The following ABCG1 variants were observed in gnomAD, a reference collection of about 807,000 sequenced individuals.
ABCG1 encodes the protein ATP binding cassette subfamily G member 1.
Under a neutral mutation model 69.2 loss-of-function variants are expected in ABCG1, and 29 were observed. The observed-to-expected ratio is 0.42, with a 90% CI of 0.31 to 0.57. The LOEUF is 0.57. ABCG1 is among the 20% of genes least tolerant of loss of function. ABCG1 has a pLI of 0.15. For synonymous variants in ABCG1, 370 were observed against 374.8 expected, an observed-to-expected ratio of 0.99 and a Z score of 0.15; for missense variants, 718 against 898.1, an observed-to-expected ratio of 0.80 and a Z score of 2.56.
chr21:42,228,372 G>A (rs2067850948), intron 2 of ABCG1, among the ~76,000 whole-genome samples: 1 of 152,090 alleles, frequency 6.6e-6, no homozygotes, highest in Non-Finnish European at 1.5e-5. Flanking sequence ...TTGCTGTCTG[G>A]CTTCCTACCC....
At chr21:42,271,315 G>A (rs2068613623) in intron 3 of ABCG1, 128 bp downstream of exon 3, 1 of 560,878 alleles carries the variant, frequency 1.8e-6, no homozygotes, top group South Asian at 3.4e-5. Flanking sequence ...GTCCAGGGGA[G>A]AGAGTGACAT....
At position 42,288,006 on chromosome 21, in the gene ABCG1, AC is replaced by A; in HGVS notation, c.1094del (p.Pro365LeufsTer41). The A allele has an allele frequency of 6.2e-7, 1 of 1,612,686 alleles. No homozygotes were observed. Among genetic ancestry groups the A allele is most frequent in the Non-Finnish European group, 8.5e-7 (1 of 1,179,178 alleles). On this transcript the variant is annotated frameshift_variant, in exon 9 of 15. Transcript: ENST00000398449. LOFTEE classifies it high-confidence loss of function. The surrounding 1 kb of genome is among the most constrained non-coding windows in gnomAD (Gnocchi z 4.8). Reference protein sequence around the residue: ...KRDLGGDAEVNPFLWHRPSEE... With the variant: ...KRDLGGDAEVXPFLWHRPSEE... ...GACCTCGGGGGTGATGCCGAGGTGA[AC>A]CCTTTTCTTTGGCACCGGCCCTCTG...
chr21:42,205,574 G>T (rs2123464315), intron 2 of ABCG1, among the ~76,000 whole-genome samples: 1 of 151,260 alleles, frequency 6.6e-6, no homozygotes, highest in African/African-American at 2.4e-5. Context: ...CTCCAGCCTG[G>T]GTGACAGAGC....
At position 42,237,048 on chromosome 21, in the gene ABCG1, C is replaced by T. The variant is rs184463957; in HGVS notation, c.286+11134C>T. 2.4e-3 allele frequency among the ~76,000 whole-genome samples: 359 copies of T among 152,292 alleles called. 3 individuals are homozygous for T. The highest frequency in any genetic ancestry group is 4.0e-3 in the Non-Finnish European group (269 of 68,024). On this transcript the variant is annotated intron_variant, in intron 2 of 14. Coordinates refer to ENST00000398449, the MANE Select transcript of ABCG1 (RefSeq NM_016818.3). Reference sequence around the variant, plus strand: ...CATCCAGCCTTGTGCCTCTAGGCCTCCTCCCCTTCAGTTGTCATAAATGTG... The same window carrying T: ...CATCCAGCCTTGTGCCTCTAGGCCTTCTCCCCTTCAGTTGTCATAAATGTG...
rs148153262 is a variant in ABCG1 at position 42,248,104 on chromosome 21, G to C, written c.286+22190G>C. On this transcript the variant is annotated intron_variant, in intron 2 of 14. Transcript: ENST00000398449. ...GAGAGCAACGTTTTGAAAAAGAAAA[G>C]TGGTAGGAAGCATAGAGAGGAGGAT... 2.0e-5 allele frequency among the ~76,000 whole-genome samples: 3 copies of C among 152,350 alleles called. No individual in the cohort carries two copies. In the East Asian group the frequency reaches 5.8e-4, roughly 29 times the overall value.
rs1052894539 is a variant in ABCG1, at chr21:42,296,625, T to C, written c.*233T>C. On this transcript the variant is annotated 3_prime_UTR_variant, in exon 15 of 15. Transcript: ENST00000398449. The surrounding 1 kb of genome is among the most constrained non-coding windows in gnomAD (Gnocchi z 5.4). ...TAGGAAGATGTAGGCAGATTGGTGG[T>C]TTTTTTTTTTTTAACATACAGAATT... is the stretch of plus-strand genomic sequence containing the variant. 4.9e-6 allele frequency: 1 copy of C among 202,416 alleles called. No homozygotes were observed. Among genetic ancestry groups the C allele is most frequent in the East Asian group, 8.0e-5 (1 of 12,470 alleles). 12.5% of individuals were successfully genotyped at this position (202,416 alleles called of 1,614,324 possible).
intron 2 of ABCG1, among the ~76,000 whole-genome samples, chr21:42,269,556 C>T (rs950861858): frequency 1.3e-5 from 2 of 152,230 alleles, no homozygotes; most frequent in Admixed American, 6.5e-5. Flanking sequence ...TGTGCCCCTA[C>T]CCCCGCTGGG....
At chr21:42,286,666 G>A (rs3788007) in intron 8 of ABCG1, among the ~76,000 whole-genome samples, 27,828 of 152,170 alleles carry the variant, frequency 0.18, 2,630 homozygotes, top group Middle Eastern at 0.27. Flanking sequence ...GGTCACTAAC[G>A]GATGCTGCTG....
intron 2 of ABCG1, among the ~76,000 whole-genome samples, chr21:42,249,985 A>AC (rs1329028668): frequency 6.6e-6 from 1 of 151,332 alleles, no homozygotes; most frequent in African/African-American, 2.4e-5. Flanking sequence ...AGCCTGGGTG[A>AC]CAGAGTGAGA....
At chr21:42,217,590 G>T (rs2067654718), upstream of ABCG1, among the ~76,000 whole-genome samples, 1 of 151,630 alleles carries the variant, frequency 6.6e-6, no homozygotes, top group Non-Finnish European at 1.5e-5. Context: ...AGCCTCCAAG[G>T]CCTGGCACCC....
chr21:42,271,749 G>A (rs894635939), intron 3 of ABCG1, among the ~76,000 whole-genome samples: 2 of 152,138 alleles, frequency 1.3e-5, no homozygotes, highest in African/African-American at 4.8e-5. Flanking sequence ...GCTGGGCGTG[G>A]TGGCAGGTGC....
rs769152941 is a variant in ABCG1 at position 42,291,223 on chromosome 21, G to A, written c.1494+31G>A. ...TTAGCCAGGGGCTGGAATTTGAAACGGGGGCAAGAGTTCTCCTGTACACCC... is the reference window on the plus strand; with the variant it reads ...TTAGCCAGGGGCTGGAATTTGAAACAGGGGCAAGAGTTCTCCTGTACACCC... On this transcript the variant is annotated intron_variant, in intron 12 of 14. Coordinates refer to ENST00000398449, the MANE Select transcript of ABCG1 (RefSeq NM_016818.3). The surrounding 1 kb of genome is among the most constrained non-coding windows in gnomAD (Gnocchi z 6.4). The A allele has an allele frequency of 1.9e-5, 29 of 1,544,286 alleles. 1 individual carries two copies. Among genetic ancestry groups the A allele is most frequent in the East Asian group, 1.1e-4 (5 of 44,480 alleles).
chr21:42,279,195 C>G (rs1209714061), intron 5 of ABCG1, among the ~76,000 whole-genome samples: 1 of 152,010 alleles, frequency 6.6e-6, no homozygotes, highest in Non-Finnish European at 1.5e-5. Context: ...GTGGGGGCTC[C>G]AAGGAGAGAC....
intron 2 of ABCG1, among the ~76,000 whole-genome samples, chr21:42,230,164 A>AAT (rs1267537921): frequency 6.6e-6 from 1 of 152,258 alleles, no homozygotes; most frequent in Non-Finnish European, 1.5e-5. Context: ...CTAAGCGTTG[A>AAT]ATATGGCATT....
intron 2 of ABCG1, among the ~76,000 whole-genome samples, chr21:42,232,545 T>C (rs576345947): frequency 5.9e-5 from 9 of 152,362 alleles, no homozygotes; most frequent in African/African-American, 1.9e-4. Flanking sequence ...CTCCTGTTCT[T>C]GAACCATCTG....
intron 2 of ABCG1, among the ~76,000 whole-genome samples, chr21:42,245,601 C>G (rs1209371554): frequency 1.3e-5 from 2 of 152,206 alleles, no homozygotes. Flanking sequence ...CAGGACTGAG[C>G]TGGGTTCCCA....
intron 1 of ABCG1, among the ~76,000 whole-genome samples, chr21:42,223,506 G>A (rs936196217): frequency 3.3e-5 from 5 of 151,970 alleles, no homozygotes; most frequent in Admixed American, 1.3e-4. Flanking sequence ...TCCTCAAGGC[G>A]ACGGCCCAGA....
intron 2 of ABCG1, among the ~76,000 whole-genome samples, chr21:42,226,202 T>G (rs1334323790): frequency 6.6e-6 from 1 of 152,234 alleles, no homozygotes; most frequent in Admixed American, 6.5e-5. Flanking sequence ...TGCCTGTTTC[T>G]GGCATGTGCT....
chr21:42,279,710 G>A (rs971877086), intron 5 of ABCG1, among the ~76,000 whole-genome samples: 72 of 152,252 alleles, frequency 4.7e-4, no homozygotes, highest in African/African-American at 1.6e-3. Context: ...GGTGAAAGTC[G>A]CTCTCCCCAT....
Sources: allele counts gnomAD v4.1 joint callset (sites outside exome capture counted in the v4.1 genomes callset), GRCh38; gene constraint gnomAD v4.1.1; non-coding constraint Gnocchi (gnomAD v3.1); transcripts MANE v1.5; gene names NCBI Gene and HGNC (gene_info 2026-07-23, HGNC 2026-07-21).